The following REDIC1 variants were observed in gnomAD, a reference collection of about 807,000 sequenced individuals.
REDIC1 encodes HEI10 Interacting Protein 1.
the REDIC1 span, among the ~76,000 whole-genome samples, chr12:39,895,775 TGC>T: frequency 6.5e-5 from 6 of 92,530 alleles, 2 homozygotes; most frequent in East Asian, 6.1e-4. Flanking sequence ...CACATGTATA[TGC>T]GTGTATACGT....
At chr12:39,742,585 C>T in the REDIC1 span, among the ~76,000 whole-genome samples, 1 of 152,104 alleles carries the variant, frequency 6.6e-6, no homozygotes, top group African/African-American at 2.4e-5. Flanking sequence ...TCAGAAAAGC[C>T]TTCAGTGTCT....
the REDIC1 span, among the ~76,000 whole-genome samples, chr12:39,693,709 T>A: frequency 6.6e-6 from 1 of 152,180 alleles, no homozygotes; most frequent in South Asian, 2.1e-4. Context: ...TGATGGACAT[T>A]TGGGCTATTT....
At chr12:39,894,862 G>C in the REDIC1 span, among the ~76,000 whole-genome samples, 2 of 151,890 alleles carry the variant, frequency 1.3e-5, no homozygotes, top group Non-Finnish European at 2.9e-5. Flanking sequence ...AAAAAAGGGA[G>C]AAAAGAAAAA....
At chr12:39,798,228 A>G in the REDIC1 span, among the ~76,000 whole-genome samples, 1 of 152,190 alleles carries the variant, frequency 6.6e-6, no homozygotes, top group African/African-American at 2.4e-5. Context: ...TGGATCCTTC[A>G]GCTCCCCTTA....
chr12:39,871,838 C>T, the REDIC1 span: 4 of 1,611,996 alleles, frequency 2.5e-6, no homozygotes, highest in Non-Finnish European at 3.4e-6. Context: ...GGCCCACCTT[C>T]TCAACAAGCC....
the REDIC1 span, chr12:39,830,084 G>A: frequency 1.2e-6 from 2 of 1,612,858 alleles, no homozygotes; most frequent in African/African-American, 2.7e-5. Flanking sequence ...ATATTCGTAT[G>A]GTAAAATGAG....
chr12:39,885,552 T>C, the REDIC1 span, among the ~76,000 whole-genome samples: 1 of 152,186 alleles, frequency 6.6e-6, no homozygotes, highest in East Asian at 1.9e-4. Flanking sequence ...GTTCCAATTA[T>C]TACAAAAAAC....
At chr12:39,774,061 C>G in the REDIC1 span, among the ~76,000 whole-genome samples, 2 of 152,120 alleles carry the variant, frequency 1.3e-5, no homozygotes, top group Non-Finnish European at 1.5e-5. Context: ...AAAGTTAACC[C>G]TAATAGTTCT....
the REDIC1 span, among the ~76,000 whole-genome samples, chr12:39,628,839 T>C: frequency 1.3e-5 from 2 of 152,170 alleles, no homozygotes; most frequent in Non-Finnish European, 2.9e-5. Flanking sequence ...TTGAAAATGC[T>C]ATGATTTATA....
At chr12:39,906,686 A>G in the REDIC1 span, among the ~76,000 whole-genome samples, 1 of 152,134 alleles carries the variant, frequency 6.6e-6, no homozygotes, top group Admixed American at 6.6e-5. Context: ...TCTCAGTTGC[A>G]TTATTCAGGC....
the REDIC1 span, among the ~76,000 whole-genome samples, chr12:39,702,129 C>CA: frequency 6.6e-6 from 1 of 152,032 alleles, no homozygotes; most frequent in African/African-American, 2.4e-5. Context: ...AAAAACCCTT[C>CA]AAAAAATTAA....
At chr12:39,733,069 G>GCACACACACACACACACACA in the REDIC1 span, among the ~76,000 whole-genome samples, 1 of 148,452 alleles carries the variant, frequency 6.7e-6, no homozygotes, top group South Asian at 2.1e-4. Flanking sequence ...GCAGAAAAAT[G>GCACACACACACACACACACA]CACACACACA....
the REDIC1 span, chr12:39,644,049 A>T: frequency 1.5e-6 from 1 of 652,934 alleles, no homozygotes; most frequent in East Asian, 3.0e-5. Flanking sequence ...GCTCTCTTAA[A>T]TTAGATGCCT....
the REDIC1 span, among the ~76,000 whole-genome samples, chr12:39,667,600 G>T: frequency 6.6e-6 from 1 of 152,186 alleles, no homozygotes; most frequent in Non-Finnish European, 1.5e-5. Flanking sequence ...GTGCAGAGCT[G>T]AGTTCAATTC....
At chr12:39,653,235 T>C in the REDIC1 span, among the ~76,000 whole-genome samples, 6 of 152,092 alleles carry the variant, frequency 3.9e-5, no homozygotes, top group Admixed American at 2.0e-4. Context: ...GTTTTCAGGC[T>C]ATAAGCCTTG....
chr12:39,846,369 G>A, the REDIC1 span, among the ~76,000 whole-genome samples: 10 of 152,122 alleles, frequency 6.6e-5, no homozygotes, highest in African/African-American at 2.2e-4. Context: ...GTGGTTAAGG[G>A]CTGAATTCTA....
At chr12:39,871,217 T>C in the REDIC1 span, among the ~76,000 whole-genome samples, 9 of 152,226 alleles carry the variant, frequency 5.9e-5, no homozygotes, top group South Asian at 1.9e-3. Flanking sequence ...CAAAAGATAC[T>C]TGGGAATTAA....
chr12:39,727,944 ACT>A, the REDIC1 span, among the ~76,000 whole-genome samples: 11 of 151,506 alleles, frequency 7.3e-5, no homozygotes, highest in Non-Finnish European at 1.6e-4. Context: ...TCATGATTTG[ACT>A]CTCTGTTTGT....
At chr12:39,744,210 A>G in the REDIC1 span, among the ~76,000 whole-genome samples, 1 of 152,240 alleles carries the variant, frequency 6.6e-6, no homozygotes, top group African/African-American at 2.4e-5. Context: ...CCAACAATCT[A>G]AAATTCTGTA....
Sources: gnomAD v4.1 joint callset for allele counts (sites outside exome capture counted in the v4.1 genomes callset) on GRCh38, gnomAD v4.1.1 for gene constraint, MANE v1.5 for transcripts, NCBI Gene and HGNC (gene_info 2026-07-23, HGNC 2026-07-21) for gene names.